TBC1D1: variants seen among roughly 807,000 people sequenced by gnomAD.
TBC1D1 encodes the protein TBC1 (tre-2/USP6, BUB2, cdc16) domain family, member 1.
A neutral mutation model predicts 125.6 loss-of-function variants in TBC1D1; 89 were observed. That is an observed-to-expected ratio of 0.71 (90% CI 0.60 to 0.85). The LOEUF is 0.85. Among genes scored for constraint, TBC1D1 ranks in the 40% least tolerant of loss-of-function variants. TBC1D1 has a pLI of 0.00. For synonymous variants in TBC1D1, 565 were observed against 564.1 expected (o/e 1.00, Z -0.02); for missense variants, 1,377 against 1,469.2 (o/e 0.94, Z 1.03).
intron 1 of TBC1D1, among the ~76,000 whole-genome samples, chr4:37,900,120 CA>C (rs1372395296): frequency 5.4e-5 from 5 of 92,246 alleles, no homozygotes; most frequent in South Asian, 3.4e-4. Flanking sequence ...GGAGCCGTCT[CA>C]AAAAAAAAAG....
At chr4:37,929,684 A>C (rs1722854580) in intron 2 of TBC1D1, among the ~76,000 whole-genome samples, 1 of 152,230 alleles carries the variant, frequency 6.6e-6, no homozygotes, top group Admixed American at 6.5e-5. Context: ...ATGAAGATGT[A>C]ACTATGCTTA....
intron 17 of TBC1D1, chr4:38,118,728 T>A (rs1763385170): frequency 1.3e-5 from 2 of 152,724 alleles, no homozygotes; most frequent in African/African-American, 4.8e-5. Context: ...CTCTCCCCGC[T>A]CAGCCTTGAC....
intron 2 of TBC1D1, among the ~76,000 whole-genome samples, chr4:37,952,969 G>A (rs1304782110): frequency 1.3e-5 from 2 of 152,210 alleles, no homozygotes; most frequent in African/African-American, 4.8e-5. Context: ...GATGATGTGT[G>A]ATCAAAATTG....
chr4:38,014,776 C>T lies in TBC1D1; in HGVS notation c.685C>T (p.Arg229Cys). Residue 229 changes from arginine to cysteine, a missense_variant, in exon 3 of 20, where the codon CGC becomes TGC. Around this residue, in one of 3 missense-constraint regions of TBC1D1, gnomAD observed 822 missense variants for 824.6 expected, o/e 1.00. Coordinates refer to ENST00000261439, the MANE Select transcript of TBC1D1 (RefSeq NM_015173.4). The surrounding 1 kb of genome is among the most constrained non-coding windows in gnomAD (Gnocchi z 5.1). ...GCCCACAGGGAGCCAGGAGCCTGTG[C>T]GCAGGCCCATGCGCAAGTCCTTCTC... is the stretch of plus-strand genomic sequence containing the variant. The T allele has an allele frequency of 1.5e-6, 2 of 1,365,988 alleles. No homozygotes were observed. Among genetic ancestry groups the T allele is most frequent in the Non-Finnish European group, 9.8e-7 (1 of 1,022,794 alleles). The allele number at this position is 1,365,988 out of a possible 1,614,324, so 84.6% of individuals were successfully genotyped here.
At chr4:38,012,728 CA>C (rs1216182306) in intron 2 of TBC1D1, among the ~76,000 whole-genome samples, 1 of 152,118 alleles carries the variant, frequency 6.6e-6, no homozygotes, top group Non-Finnish European at 1.5e-5. Flanking sequence ...GATTATTTGG[CA>C]GTATAAAAGT....
At chr4:38,107,216 G>T (rs1298783622) in intron 15 of TBC1D1, among the ~76,000 whole-genome samples, 2 of 152,148 alleles carry the variant, frequency 1.3e-5, no homozygotes, top group African/African-American at 4.8e-5. Flanking sequence ...CCTAGACCCG[G>T]CAGTGGAGTC....
intron 12 of TBC1D1, among the ~76,000 whole-genome samples, chr4:38,065,282 A>G (rs1753511033): frequency 6.6e-6 from 1 of 151,980 alleles, no homozygotes; most frequent in African/African-American, 2.4e-5. Context: ...CTGTTTGCAA[A>G]CTGTGCCCCA....
At chr4:38,055,628 C>T (rs1465316174) in intron 12 of TBC1D1, among the ~76,000 whole-genome samples, 1 of 152,102 alleles carries the variant, frequency 6.6e-6, no homozygotes, top group Non-Finnish European at 1.5e-5. Flanking sequence ...CACCTTTTTT[C>T]CCTCAAGTAG....
chr4:38,093,529 T>A (rs200739110), intron 13 of TBC1D1, among the ~76,000 whole-genome samples: 1 of 96,974 alleles, frequency 1.0e-5, no homozygotes, highest in East Asian at 7.0e-4. Context: ...TCCCCCCCCT[T>A]TTTTTTTTTT....
At chr4:38,067,074 A>G (rs561154552) in intron 12 of TBC1D1, among the ~76,000 whole-genome samples, 3 of 152,000 alleles carry the variant, frequency 2.0e-5, no homozygotes, top group Admixed American at 1.3e-4. Flanking sequence ...ATGGGGTTTC[A>G]CCATGTTAAC....
chr4:38,048,784 G>C (rs563962116), intron 10 of TBC1D1, among the ~76,000 whole-genome samples: 2 of 151,904 alleles, frequency 1.3e-5, no homozygotes, highest in Admixed American at 6.6e-5. Context: ...CCACGTCCTG[G>C]GTGCAGTGTT....
At chr4:37,992,382 A>T (rs1222148715) in intron 2 of TBC1D1, among the ~76,000 whole-genome samples, 1 of 152,190 alleles carries the variant, frequency 6.6e-6, no homozygotes. Context: ...TTTTGAGCCC[A>T]GTTACCTAGA....
rs11549695 is a variant in TBC1D1, at chr4:38,044,425, C to G, written c.1477C>G (p.Leu493Val). ...ACCACCCAGTGCCACTCGATTTAGG[C>G]TAGATATGCTGAAAAACAAAGCAAA... The change falls in exon 9 of 20, where the codon CTA becomes GTA. Residue 493 changes from leucine to valine, a missense_variant. By Grantham distance (32) the Leu-to-Val change is conservative. Transcript: ENST00000261439. 6.2e-7 allele frequency: 1 copy of G among 1,613,680 alleles called. No individual in the cohort carries two copies. Among genetic ancestry groups the G allele is most frequent in the Non-Finnish European group, 8.5e-7 (1 of 1,179,912 alleles).
At chr4:38,130,559 A>G (rs1765418933) in intron 18 of TBC1D1, among the ~76,000 whole-genome samples, 1 of 152,022 alleles carries the variant, frequency 6.6e-6, no homozygotes. Flanking sequence ...AGTAATTACA[A>G]CTCTAGTGGA....
intron 18 of TBC1D1, among the ~76,000 whole-genome samples, chr4:38,127,706 G>A (rs1299982618): frequency 6.6e-6 from 1 of 152,092 alleles, no homozygotes; most frequent in Non-Finnish European, 1.5e-5. Context: ...ATAACTCTAG[G>A]ACATAGGTAT....
At chr4:38,091,566 C>T (rs1016382723) in intron 13 of TBC1D1, among the ~76,000 whole-genome samples, 2 of 152,210 alleles carry the variant, frequency 1.3e-5, no homozygotes, top group Non-Finnish European at 2.9e-5. Flanking sequence ...CAGTTATGTT[C>T]ATCATGTAGG....
At chr4:37,916,871 A>G (rs1164632733) in intron 2 of TBC1D1, among the ~76,000 whole-genome samples, 5 of 152,130 alleles carry the variant, frequency 3.3e-5, no homozygotes, top group African/African-American at 1.2e-4. Flanking sequence ...CCCGGGGTCA[A>G]GATATTCTCC....
intron 2 of TBC1D1, among the ~76,000 whole-genome samples, chr4:37,929,619 T>C (rs1329951479): frequency 1.3e-5 from 2 of 152,146 alleles, no homozygotes; most frequent in Non-Finnish European, 1.5e-5. Flanking sequence ...ACATGAAAAA[T>C]GAAGGCTAAG....
chr4:37,996,294 G>A, intron 2 of TBC1D1: 1 of 212,742 alleles, frequency 4.7e-6, no homozygotes, highest in Non-Finnish European at 9.9e-6. Flanking sequence ...ATATATTGAA[G>A]TTATCTAACA....
Sources: gnomAD v4.1 joint callset for allele counts (sites outside exome capture counted in the v4.1 genomes callset) on GRCh38, gnomAD v4.1.1 for gene constraint, gnomAD v4.1.1 regional missense constraint, Gnocchi (gnomAD v3.1) non-coding constraint, MANE v1.5 for transcripts, NCBI Gene and HGNC (gene_info 2026-07-23, HGNC 2026-07-21) for gene names.